Variants in MACROD2 observed in about 807,000 individuals in gnomAD.
MACROD2 encodes ADP-ribose glycohydrolase MACROD2.
Under a neutral mutation model 70.4 loss-of-function variants are expected in MACROD2, and 36 were observed. That is an observed-to-expected ratio of 0.51 (90% CI 0.39 to 0.68). MACROD2 has a LOEUF of 0.68. Ranked by LOEUF, MACROD2 falls within the 30% of genes least tolerant of loss-of-function variation. The pLI, the probability that MACROD2 is intolerant of heterozygous loss-of-function variation, is 0.00. For synonymous variants in MACROD2, 172 were observed against 178.8 expected (o/e 0.96, Z 0.30); for missense variants, 496 against 538.4 (o/e 0.92, Z 0.78).
At chr20:14,519,793 T>G (rs568103625) in intron 4 of MACROD2, among the ~76,000 whole-genome samples, 33 of 152,268 alleles carry the variant, frequency 2.2e-4, no homozygotes, top group African/African-American at 7.0e-4. Flanking sequence ...CTATTCATAA[T>G]AGCAAAGACA....
rs184249473 is a variant in MACROD2 at position 14,401,708 on chromosome 20, C to T, written c.272-91771C>T. Among the ~76,000 whole-genome samples, 161 of 152,278 alleles carry T rather than the reference C, an allele frequency of 1.1e-3. 1 individual carries two copies. Among genetic ancestry groups the T allele is most frequent in the African/African-American group, 3.6e-3 (148 of 41,566 alleles). On this transcript the variant is annotated intron_variant, in intron 3 of 17. Coordinates refer to ENST00000684519, the MANE Select transcript of MACROD2 (RefSeq NM_001351661.2). ...TGGATGTCATTGTGAAAAGGCATCT[C>T]ATGGTGGTTTTGTTGGTTCACAGAT...
chr20:14,070,287 T>C (rs2080940171), intron 2 of MACROD2, among the ~76,000 whole-genome samples: 1 of 150,406 alleles, frequency 6.6e-6, no homozygotes, highest in South Asian at 2.1e-4. Context: ...AACTATATAT[T>C]TGAGAATAAA....
At chr20:15,497,978 T>C (rs6105418) in intron 7 of MACROD2, among the ~76,000 whole-genome samples, 19,882 of 152,202 alleles carry the variant, frequency 0.13, 1,496 homozygotes, top group East Asian at 0.24. Flanking sequence ...CAATTAACTT[T>C]AAAGAAAATT....
At chr20:14,017,884 T>A (rs893793317) in intron 2 of MACROD2, among the ~76,000 whole-genome samples, 10 of 152,172 alleles carry the variant, frequency 6.6e-5, no homozygotes. Flanking sequence ...CTTCCTTAGA[T>A]GTTTCAGTAG....
chr20:14,437,472 T>C (rs968731934), intron 3 of MACROD2, among the ~76,000 whole-genome samples: 2 of 151,974 alleles, frequency 1.3e-5, no homozygotes, highest in Admixed American at 1.3e-4. Flanking sequence ...TGAGTGCCTG[T>C]AATCCTAGAT....
At chr20:15,812,591 T>C (rs1350272217) in intron 8 of MACROD2, among the ~76,000 whole-genome samples, 1 of 152,082 alleles carries the variant, frequency 6.6e-6, no homozygotes, top group Non-Finnish European at 1.5e-5. Context: ...TACACTCGTC[T>C]CAAAAGTCTG....
chr20:14,230,697 A>G (rs955990063), intron 3 of MACROD2, among the ~76,000 whole-genome samples: 1 of 107,822 alleles, frequency 9.3e-6, no homozygotes, highest in Non-Finnish European at 1.9e-5. Flanking sequence ...ATATATATAT[A>G]TATGGGCCCA....
intron 5 of MACROD2, among the ~76,000 whole-genome samples, chr20:15,163,155 G>T (rs1257445948): frequency 1.3e-5 from 2 of 151,752 alleles, no homozygotes; most frequent in Non-Finnish European, 2.9e-5. Flanking sequence ...GATAATCAGT[G>T]AATCCAAAGA....
At chr20:15,137,143 C>G (rs2076154836) in intron 5 of MACROD2, among the ~76,000 whole-genome samples, 2 of 146,922 alleles carry the variant, frequency 1.4e-5, no homozygotes, top group Non-Finnish European at 3.0e-5. Context: ...TTGTGGAAGT[C>G]AGTGTGGCGA....
At chr20:15,162,149 G>T (rs2076353015) in intron 5 of MACROD2, among the ~76,000 whole-genome samples, 1 of 152,026 alleles carries the variant, frequency 6.6e-6, no homozygotes, top group Admixed American at 6.6e-5. Flanking sequence ...ACGGACATTT[G>T]AATGACTTGC....
chr20:14,211,430 T>C (rs1410210121), intron 3 of MACROD2, among the ~76,000 whole-genome samples: 1 of 152,236 alleles, frequency 6.6e-6, no homozygotes, highest in African/African-American at 2.4e-5. Context: ...TGCATCTTTA[T>C]ACATTTTGTG....
intron 4 of MACROD2, among the ~76,000 whole-genome samples, chr20:14,530,909 G>T (rs915239543): frequency 6.6e-6 from 1 of 152,090 alleles, no homozygotes; most frequent in Non-Finnish European, 1.5e-5. Flanking sequence ...ATAAACTTGC[G>T]CAGTCAGTAG....
At chr20:14,019,216 A>C (rs982549862) in intron 2 of MACROD2, among the ~76,000 whole-genome samples, 2 of 152,186 alleles carry the variant, frequency 1.3e-5, no homozygotes, top group Non-Finnish European at 2.9e-5. Flanking sequence ...GAGCTGGCTA[A>C]ATAGGAGACT....
intron 5 of MACROD2, among the ~76,000 whole-genome samples, chr20:14,888,998 T>C (rs914253922): frequency 6.6e-6 from 1 of 152,166 alleles, no homozygotes; most frequent in Non-Finnish European, 1.5e-5. Context: ...ACTTCCCTGC[T>C]TTCTGTGTGA....
Position 16,046,189 on chromosome 20 carries a change from A to T in MACROD2, c.1300+1550A>T, listed in dbSNP as rs770243403. ...CATCATGGAAGAATAAAATATGGGA[A>T]TGTGTGAAAGAGTACATGTCTTATT... On this transcript the variant is annotated intron_variant, in intron 17 of 17. Coordinates refer to ENST00000684519, the MANE Select transcript of MACROD2 (RefSeq NM_001351661.2). Among the ~76,000 whole-genome samples the T allele has an allele frequency of 7.0e-4, 106 of 152,130 alleles. 2 individuals are homozygous for T. The highest frequency in any genetic ancestry group is 3.1e-4 in the Non-Finnish European group (21 of 68,022).
intron 4 of MACROD2, among the ~76,000 whole-genome samples, chr20:14,545,398 T>C (rs1365477350): frequency 6.6e-6 from 1 of 152,118 alleles, no homozygotes; most frequent in Non-Finnish European, 1.5e-5. Context: ...GGTGATCTAG[T>C]CATTACAGCC....
intron 2 of MACROD2, among the ~76,000 whole-genome samples, chr20:14,074,115 C>T (rs988317921): frequency 6.6e-6 from 1 of 152,152 alleles, no homozygotes; most frequent in African/African-American, 2.4e-5. Flanking sequence ...CCCATCTTAC[C>T]CCTAGTGTTT....
chr20:15,743,518 CT>C (rs1255548580), intron 8 of MACROD2, among the ~76,000 whole-genome samples: 1 of 152,160 alleles, frequency 6.6e-6, no homozygotes, highest in Non-Finnish European at 1.5e-5. Context: ...TCCCACTTGA[CT>C]TCATCCTAAC....
At chr20:15,304,802 G>A (rs1385015572) in intron 6 of MACROD2, among the ~76,000 whole-genome samples, 2 of 152,162 alleles carry the variant, frequency 1.3e-5, no homozygotes, top group Non-Finnish European at 2.9e-5. Context: ...CCCAGCCAAT[G>A]GGGAAAGGAC....
Sources: gnomAD v4.1 joint callset for allele counts (sites outside exome capture counted in the v4.1 genomes callset) on GRCh38, gnomAD v4.1.1 for gene constraint, MANE v1.5 for transcripts, NCBI Gene and HGNC (gene_info 2026-07-23, HGNC 2026-07-21) for gene names.